TENM2: variants seen among roughly 807,000 people sequenced by gnomAD.
The protein encoded by TENM2 is teneurin-2.
Under a neutral mutation model 245.2 loss-of-function variants are expected in TENM2, and 52 were observed. The observed-to-expected ratio is 0.21, with a 90% CI of 0.17 to 0.27. The LOEUF (loss-of-function observed/expected upper bound fraction) is 0.27. Among genes scored for constraint, TENM2 ranks in the 10% least tolerant of loss-of-function variants. The pLI is 1.00. For missense variants in TENM2, 3,046 were observed against 3,666.8 expected (o/e 0.83, Z 4.37); for synonymous variants, 1,363 against 1,438.9 (o/e 0.95, Z 1.19).
the TENM2 span, among the ~76,000 whole-genome samples, chr5:167,185,760 T>G: frequency 6.6e-6 from 1 of 152,164 alleles, no homozygotes; most frequent in Non-Finnish European, 1.5e-5. Flanking sequence ...ATTTTCAGAT[T>G]AACCATAAGC....
intron 2 of TENM2, among the ~76,000 whole-genome samples, chr5:167,797,426 T>C (rs1765398009): frequency 6.6e-6 from 1 of 152,306 alleles, no homozygotes; most frequent in East Asian, 1.9e-4. Context: ...TTTAGGGAAC[T>C]TCTTGTTTAG....
the TENM2 span, among the ~76,000 whole-genome samples, chr5:167,106,684 A>C: frequency 6.6e-6 from 1 of 151,952 alleles, no homozygotes; most frequent in Non-Finnish European, 1.5e-5. Flanking sequence ...GGCAGGGTGC[A>C]CTTTGGTGCA....
intron 3 of TENM2, among the ~76,000 whole-genome samples, chr5:167,928,560 A>G (rs1217062881): frequency 1.3e-5 from 2 of 152,112 alleles, no homozygotes; most frequent in African/African-American, 2.4e-5. Flanking sequence ...ATATGCTTAT[A>G]TCATCCCCTG....
intron 2 of TENM2, among the ~76,000 whole-genome samples, chr5:167,405,279 C>T (rs938812584): frequency 6.6e-6 from 1 of 151,656 alleles, no homozygotes; most frequent in African/African-American, 2.4e-5. Context: ...TAGCATGGTG[C>T]AAAATAGGCC....
chr5:167,100,464 C>T, the TENM2 span, among the ~76,000 whole-genome samples: 3 of 152,296 alleles, frequency 2.0e-5, no homozygotes, highest in East Asian at 1.9e-4. Flanking sequence ...TTCCCTCCCT[C>T]TCCATTGTTA....
At chr5:168,227,956 T>C in exon 25 of TENM2, 1 of 1,613,746 alleles carries the variant, frequency 6.2e-7, no homozygotes, top group South Asian at 1.1e-5. Context: ...TGTATGCTAA[T>C]GGGATGGGTA....
chr5:167,058,692 G>C, the TENM2 span, among the ~76,000 whole-genome samples: 1 of 152,040 alleles, frequency 6.6e-6, no homozygotes, highest in Non-Finnish European at 1.5e-5. Context: ...TCAAGGCTTC[G>C]GTCAGCCATG....
chr5:168,241,868 G>A (rs1002344009), intron 25 of TENM2, among the ~76,000 whole-genome samples: 1 of 152,130 alleles, frequency 6.6e-6, no homozygotes, highest in African/African-American at 2.4e-5. Flanking sequence ...AATAGCAAGG[G>A]TTTAAACAGG....
At chr5:167,445,391 T>C (rs899533356) in intron 2 of TENM2, among the ~76,000 whole-genome samples, 8 of 132,826 alleles carry the variant, frequency 6.0e-5, no homozygotes, top group Admixed American at 4.6e-4. Context: ...TGTCTTGTTG[T>C]TGGGCAGGTA....
the TENM2 span, among the ~76,000 whole-genome samples, chr5:167,155,523 C>A: frequency 6.6e-6 from 1 of 152,062 alleles, no homozygotes; most frequent in Non-Finnish European, 1.5e-5. Flanking sequence ...ATCTTGTGCT[C>A]GATGTAGCGA....
intron 27 of TENM2, among the ~76,000 whole-genome samples, chr5:168,250,904 G>A (rs6868534): frequency 0.086 from 13,059 of 152,226 alleles, 587 homozygotes; most frequent in South Asian, 0.16. Context: ...ATGATATAAA[G>A]ATGAAAAAAT....
At chr5:168,052,376 G>A (rs901325850) in intron 6 of TENM2, among the ~76,000 whole-genome samples, 1 of 151,844 alleles carries the variant, frequency 6.6e-6, no homozygotes, top group African/African-American at 2.4e-5. Context: ...GGGCAACAGA[G>A]CGAGACTCTG....
chr5:167,110,564 T>C, the TENM2 span, among the ~76,000 whole-genome samples: 9 of 152,362 alleles, frequency 5.9e-5, no homozygotes, highest in Admixed American at 5.2e-4. Context: ...TTAGCATATG[T>C]ATTCCTAGAA....
At chr5:167,911,083 A>G (rs564044111) in intron 3 of TENM2, among the ~76,000 whole-genome samples, 10 of 152,246 alleles carry the variant, frequency 6.6e-5, no homozygotes, top group African/African-American at 2.4e-4. Flanking sequence ...TCAAGAATTA[A>G]GAGTAATTTT....
At chr5:167,812,439 A>G (rs1020374867) in intron 2 of TENM2, among the ~76,000 whole-genome samples, 21 of 152,176 alleles carry the variant, frequency 1.4e-4, no homozygotes, top group African/African-American at 5.1e-4. Flanking sequence ...ATCTGTGTAG[A>G]ACCCTCAGGA....
At chr5:167,614,801 C>G (rs1029288929) in intron 2 of TENM2, among the ~76,000 whole-genome samples, 1 of 152,104 alleles carries the variant, frequency 6.6e-6, no homozygotes. Flanking sequence ...CAGCTTCATG[C>G]GATCTCTGTC....
At chr5:168,179,116 CAG>C (rs777037527) in intron 13 of TENM2, among the ~76,000 whole-genome samples, 31 of 115,722 alleles carry the variant, frequency 2.7e-4, no homozygotes, top group Non-Finnish European at 2.8e-4. Context: ...GCCTGAGCAA[CAG>C]AGTGAGACTC....
chr5:167,863,714 G>A (rs1317781544), intron 2 of TENM2, among the ~76,000 whole-genome samples: 1 of 152,148 alleles, frequency 6.6e-6, no homozygotes, highest in African/African-American at 2.4e-5. Flanking sequence ...GATGGCATGT[G>A]TTGACTGAGG....
intron 19 of TENM2, among the ~76,000 whole-genome samples, chr5:168,210,588 A>G (rs9918152): frequency 0.32 from 48,557 of 151,740 alleles, 11,028 homozygotes; most frequent in African/African-American, 0.63. Context: ...CAGAGCTCAG[A>G]AGTTATCAGC....
Sources: allele counts gnomAD v4.1 joint callset (sites outside exome capture counted in the v4.1 genomes callset), GRCh38; gene constraint gnomAD v4.1.1; transcripts MANE v1.5; gene names NCBI Gene and HGNC (gene_info 2026-07-23, HGNC 2026-07-21).